SLC9C1: variants seen among roughly 807,000 people sequenced by gnomAD.
The protein encoded by SLC9C1 is solute carrier family 9 member C1.
SLC9C1 carries 97 observed loss-of-function variants against 140.9 expected under a neutral mutation model. The ratio of observed to expected loss-of-function variants is 0.69; its 90% confidence interval spans 0.58 to 0.82. The LOEUF is 0.82. Ranked by LOEUF, SLC9C1 falls within the 40% of genes least tolerant of loss-of-function variation. The pLI, the probability that SLC9C1 is intolerant of heterozygous loss-of-function variation, is 0.00. For synonymous variants in SLC9C1, 440 were observed against 442.6 expected (o/e 0.99, Z 0.07); for missense variants, 1,340 against 1,389.3 (o/e 0.96, Z 0.56).
chr3:112,171,221 AAAAAGAAAAG>A (rs540877319), intron 23 of SLC9C1, among the ~76,000 whole-genome samples: 9 of 152,224 alleles, frequency 5.9e-5, no homozygotes, highest in African/African-American at 1.7e-4. Context: ...GTCAGAAAAA[AAAAAGAAAAG>A]AAAAGAAAAG....
At chr3:112,195,137 C>T (rs1165234866) in intron 20 of SLC9C1, among the ~76,000 whole-genome samples, 4 of 152,034 alleles carry the variant, frequency 2.6e-5, no homozygotes, top group Non-Finnish European at 5.9e-5. Context: ...TCCTGAAGTG[C>T]ACTTTGTCTA....
intron 26 of SLC9C1, among the ~76,000 whole-genome samples, chr3:112,158,022 T>C (rs899107213): frequency 6.6e-6 from 1 of 152,026 alleles, no homozygotes; most frequent in Non-Finnish European, 1.5e-5. Flanking sequence ...TTCCCTCGCC[T>C]AATTGCTCTG....
intron 28 of SLC9C1, among the ~76,000 whole-genome samples, chr3:112,148,078 T>C (rs1421470975): frequency 6.6e-6 from 1 of 152,210 alleles, no homozygotes; most frequent in Non-Finnish European, 1.5e-5. Context: ...TTCAATTGTA[T>C]TTTCAATTTT....
intron 10 of SLC9C1, among the ~76,000 whole-genome samples, chr3:112,261,622 G>T (rs1576470028): frequency 6.6e-6 from 1 of 151,968 alleles, no homozygotes; most frequent in South Asian, 2.1e-4. Context: ...ATTGAGAAAA[G>T]GAGTTCTACT....
chr3:112,273,879 A>G (rs1257471810), intron 6 of SLC9C1, among the ~76,000 whole-genome samples: 1 of 152,108 alleles, frequency 6.6e-6, no homozygotes. Flanking sequence ...GGCACCTCCT[A>G]AGCACACCTT....
At chr3:112,232,401 G>A in intron 12 of SLC9C1, among the ~76,000 whole-genome samples, 1 of 152,166 alleles carries the variant, frequency 6.6e-6, no homozygotes, top group East Asian at 1.9e-4. Context: ...AGACAAGTCA[G>A]CAAAAGTTCA....
intron 20 of SLC9C1, among the ~76,000 whole-genome samples, chr3:112,187,877 A>G (rs1194274529): frequency 6.6e-6 from 1 of 152,098 alleles, no homozygotes; most frequent in African/African-American, 2.4e-5. Context: ...TCTTATATAT[A>G]CAAAATCTTA....
intron 13 of SLC9C1, 121 bp downstream of exon 13, chr3:112,231,240 A>T: frequency 8.6e-7 from 1 of 1,166,534 alleles, no homozygotes; most frequent in East Asian, 2.6e-5. Flanking sequence ...ACAATGTCAA[A>T]CTTCCCTTTG....
chr3:112,164,711 T>TC (rs1312027132), intron 26 of SLC9C1, among the ~76,000 whole-genome samples: 1 of 151,890 alleles, frequency 6.6e-6, no homozygotes, highest in East Asian at 2.0e-4. Flanking sequence ...TAACTTTTTT[T>TC]CCTTCATTTC....
At chr3:112,143,295 A>C (rs2074686147) in intron 28 of SLC9C1, among the ~76,000 whole-genome samples, 1 of 152,108 alleles carries the variant, frequency 6.6e-6, no homozygotes, top group Non-Finnish European at 1.5e-5. Context: ...GTTCTGTTTT[A>C]AGTTCTTTGA....
chr3:112,188,479 T>G (rs1451233224), intron 20 of SLC9C1, among the ~76,000 whole-genome samples: 1 of 150,566 alleles, frequency 6.6e-6, no homozygotes, highest in Non-Finnish European at 1.5e-5. Context: ...AGTGAGAACA[T>G]GCAGCGTTTG....
chr3:112,144,206 C>G (rs1286754984), intron 28 of SLC9C1, among the ~76,000 whole-genome samples: 1 of 117,790 alleles, frequency 8.5e-6, no homozygotes, highest in Non-Finnish European at 1.6e-5. Context: ...GAGACAGAGT[C>G]TCGCACTGTC....
At position 112,269,905 on chromosome 3, in the gene SLC9C1, C is replaced by T; in HGVS notation, c.775+11G>A. 6.7e-7 allele frequency: 1 copy of T among 1,486,184 alleles called. No homozygotes were observed. The highest frequency in any genetic ancestry group is 8.9e-7 in the Non-Finnish European group (1 of 1,119,314). 92.1% of individuals were successfully genotyped at this position (1,486,184 alleles called of 1,614,324 possible). On this transcript the variant is annotated intron_variant, in intron 7 of 28. Coordinates refer to ENST00000305815, the MANE Select transcript of SLC9C1 (RefSeq NM_183061.3). ...ATGTGATTTTATTTTAGGCATAGGC[C>T]CCTCACTTACAAATATAAAAGATGA...
intron 26 of SLC9C1, among the ~76,000 whole-genome samples, chr3:112,160,731 C>T (rs372254397): frequency 1.3e-5 from 2 of 150,880 alleles, no homozygotes; most frequent in Non-Finnish European, 1.5e-5. Context: ...AATAAACATA[C>T]GTGTGCATGT....
chr3:112,178,470 GTTAT>G (rs891590821), intron 23 of SLC9C1, among the ~76,000 whole-genome samples: 6 of 152,116 alleles, frequency 3.9e-5, no homozygotes, highest in African/African-American at 1.2e-4. Flanking sequence ...AAGAAATCAG[GTTAT>G]TTGTCTACAG....
chr3:112,234,380 C>T (rs927635467), intron 12 of SLC9C1, among the ~76,000 whole-genome samples: 1 of 152,018 alleles, frequency 6.6e-6, no homozygotes, highest in African/African-American at 2.4e-5. Flanking sequence ...GATATTAGCC[C>T]TTTGTCAGAT....
intron 10 of SLC9C1, among the ~76,000 whole-genome samples, chr3:112,257,625 T>C (rs949634507): frequency 3.9e-5 from 6 of 152,116 alleles, no homozygotes; most frequent in African/African-American, 1.4e-4. Context: ...AATACCATGC[T>C]GGACATAGAT....
In SLC9C1 at chr3:112,269,988, A is replaced by T. The variant is rs2080027439; in HGVS notation, c.703T>A (p.Ser235Thr). ...TTGACATCATCACCAAAAACAGTTG[A>T]CATCCAAAATTGAATCAGTTTTGAA... ...LSSKLIQFWM[S>T]TVFGDDVNHI... Residue 235 changes from serine to threonine, a missense_variant, in exon 7 of 29, where the codon TCA becomes ACA. By Grantham distance (58) the Ser-to-Thr change is moderately conservative (BLOSUM62 1). Coordinates refer to ENST00000305815, the MANE Select transcript of SLC9C1 (RefSeq NM_183061.3). The T allele has an allele frequency of 1.9e-6, 3 of 1,601,858 alleles. No individual in the cohort carries two copies. The highest frequency in any genetic ancestry group is 2.6e-6 in the Non-Finnish European group (3 of 1,174,916).
At chr3:112,200,862 T>G (rs1413937949) in intron 18 of SLC9C1, 100 bp from the exon 19 acceptor site, 7 of 1,050,298 alleles carry the variant, frequency 6.7e-6, no homozygotes, top group Non-Finnish European at 8.4e-6. Context: ...GTTAATAGTT[T>G]TAAGAGAAGT....
Sources: allele counts gnomAD v4.1 joint callset (sites outside exome capture counted in the v4.1 genomes callset), GRCh38; gene constraint gnomAD v4.1.1; transcripts MANE v1.5; gene names NCBI Gene and HGNC (gene_info 2026-07-23, HGNC 2026-07-21).